The following SERTM1 variants were observed in gnomAD, a reference collection of about 807,000 sequenced individuals.
SERTM1 encodes serine-rich and transmembrane domain-containing protein 1.
SERTM1 carries 1 observed loss-of-function variant against 5.5 expected under a neutral mutation model. The ratio of observed to expected loss-of-function variants is 0.18; its 90% confidence interval spans 0.06 to 0.86. The LOEUF is 0.86. SERTM1 is among the 40% of genes least tolerant of loss of function. The pLI, the probability that SERTM1 is intolerant of heterozygous loss-of-function variation, is 0.69. For missense variants in SERTM1, 91 were observed against 122.4 expected, an observed-to-expected ratio of 0.74 and a Z score of 1.21; for synonymous variants, 52 against 55.1, an observed-to-expected ratio of 0.94 and a Z score of 0.25.
intron 1 of SERTM1, among the ~76,000 whole-genome samples, chr13:36,684,127 G>A (rs1027890623): frequency 2.6e-5 from 4 of 152,028 alleles, no homozygotes; most frequent in African/African-American, 4.8e-5. Flanking sequence ...GTGAAACCCC[G>A]TCTCTACTAA....
At chr13:36,692,066 A>G (rs2056782746) in intron 1 of SERTM1, among the ~76,000 whole-genome samples, 1 of 152,188 alleles carries the variant, frequency 6.6e-6, no homozygotes, top group Admixed American at 6.5e-5. Flanking sequence ...TTAAATTAAG[A>G]AGTACCCCGG....
chr13:36,693,197 A>G (rs974765882), intron 1 of SERTM1, among the ~76,000 whole-genome samples: 4 of 152,136 alleles, frequency 2.6e-5, no homozygotes, highest in Non-Finnish European at 5.9e-5. Flanking sequence ...AGGAGGTTGT[A>G]CTTGAACATT....
At chr13:36,678,583 A>G (rs1455472556) in intron 1 of SERTM1, among the ~76,000 whole-genome samples, 1 of 151,302 alleles carries the variant, frequency 6.6e-6, no homozygotes, top group Admixed American at 6.6e-5. Flanking sequence ...ATGTGATGGG[A>G]TGATAGGTGC....
Position 36,696,424 on chromosome 13 carries a change from T to C in SERTM1, c.*1022T>C, listed in dbSNP as rs1366986229. On this transcript the variant is annotated 3_prime_UTR_variant, in exon 2 of 2. Coordinates refer to ENST00000315190, the MANE Select transcript of SERTM1 (RefSeq NM_203451.3). Reference sequence around the variant, plus strand: ...TAAATTGCAAATATATGTGTTATTATATACTCCACGAATGTTGCGTCTCTG... The same window carrying C: ...TAAATTGCAAATATATGTGTTATTACATACTCCACGAATGTTGCGTCTCTG... The C allele has an allele frequency of 6.0e-6, 1 of 166,016 alleles. No homozygotes were observed. The highest frequency in any genetic ancestry group is 1.5e-5 in the Non-Finnish European group (1 of 68,114). 10.3% of individuals were successfully genotyped at this position (166,016 alleles called of 1,614,324 possible).
chr13:36,674,406 G>A (rs1566224602), intron 1 of SERTM1, among the ~76,000 whole-genome samples: 1 of 152,178 alleles, frequency 6.6e-6, no homozygotes, highest in South Asian at 2.1e-4. Flanking sequence ...AGCAATCGCA[G>A]CCCGGCTCTC....
intron 1 of SERTM1, among the ~76,000 whole-genome samples, chr13:36,686,490 A>G (rs185555227): frequency 2.0e-5 from 3 of 152,346 alleles, no homozygotes; most frequent in Admixed American, 2.0e-4. Flanking sequence ...AAATACCTAT[A>G]TATCTGTCAA....
intron 1 of SERTM1, among the ~76,000 whole-genome samples, chr13:36,678,249 T>G (rs890550481): frequency 1.3e-5 from 2 of 152,278 alleles, no homozygotes; most frequent in Non-Finnish European, 1.5e-5. Flanking sequence ...CATGCCCCCA[T>G]AATACTACCC....
At chr13:36,691,413 A>G (rs773946350) in intron 1 of SERTM1, among the ~76,000 whole-genome samples, 1 of 152,144 alleles carries the variant, frequency 6.6e-6, no homozygotes, top group African/African-American at 2.4e-5. Context: ...CACTGGGCAC[A>G]TGGTGAGAGA....
In SERTM1 at chr13:36,695,274, C is replaced by T; in HGVS notation, c.196C>T (p.Leu66Phe). The T allele has an allele frequency of 6.2e-7, 1 of 1,614,142 alleles. No individual in the cohort carries two copies. The highest frequency in any genetic ancestry group is 1.3e-5 in the African/African-American group (1 of 75,070). The change falls in exon 2 of 2, where the codon CTC becomes TTC. Residue 66 changes from leucine to phenylalanine, a missense_variant. By Grantham distance (22) the Leu-to-Phe change is conservative. Coordinates refer to ENST00000315190, the MANE Select transcript of SERTM1 (RefSeq NM_203451.3). ...LLLLIIALQR[L>F]KNIISSSSSY... ...GCTTTTAATCATTGCCCTCCAGAGGCTCAAAAATATCATCTCCTCCAGTTC... is the reference window on the plus strand; with the variant it reads ...GCTTTTAATCATTGCCCTCCAGAGGTTCAAAAATATCATCTCCTCCAGTTC...
Position 36,696,413 on chromosome 13 carries a change from AT to A in SERTM1, c.*1012del, listed in dbSNP as rs896897054. On this transcript the variant is annotated 3_prime_UTR_variant, in exon 2 of 2. Transcript: ENST00000315190. ...AACTTAGAAACTAAATTGCAAATAT[AT>A]GTGTTATTATATACTCCACGAATGT... is the stretch of plus-strand genomic sequence containing the variant. 4 of 165,662 alleles carry A rather than the reference AT, an allele frequency of 2.4e-5. No individual in the cohort carries two copies. The highest frequency in any genetic ancestry group is 2.4e-5 in the African/African-American group (1 of 41,462). 10.3% of individuals were successfully genotyped at this position (165,662 alleles called of 1,614,324 possible).
intron 1 of SERTM1, among the ~76,000 whole-genome samples, chr13:36,690,942 C>T (rs1341723826): frequency 6.6e-6 from 1 of 152,178 alleles, no homozygotes; most frequent in Admixed American, 6.5e-5. Flanking sequence ...AATATAAAGT[C>T]CGCAAGGGAA....
intron 1 of SERTM1, among the ~76,000 whole-genome samples, chr13:36,688,098 A>G (rs1041543806): frequency 5.9e-5 from 9 of 152,230 alleles, no homozygotes; most frequent in African/African-American, 2.2e-4. Flanking sequence ...GACAAAAAAT[A>G]TATATTGGAT....
At position 36,696,080 on chromosome 13, in the gene SERTM1, T is replaced by C. The variant is rs532269089; in HGVS notation, c.*678T>C. 1.2e-5 allele frequency: 2 copies of C among 166,890 alleles called. No individual in the cohort carries two copies. The highest frequency in any genetic ancestry group is 4.8e-5 in the African/African-American group (2 of 41,542). The allele number at this position is 166,890 out of a possible 1,614,324, so 10.3% of individuals were successfully genotyped here. A position where few individuals can be genotyped will look rare whatever the true frequency, so the allele number is the denominator to read the frequency against. On this transcript the variant is annotated 3_prime_UTR_variant, in exon 2 of 2. Coordinates refer to ENST00000315190, the MANE Select transcript of SERTM1 (RefSeq NM_203451.3). ...TGTGATGTATTTCTGCCTCCTGGAG[T>C]TTTATTTTGTTTTTCTGCTTATGTT...
chr13:36,697,312 A>AATATATATATAT lies in SERTM1; in HGVS notation c.*1924_*1935dup, dbSNP rs57478418. 1.3e-4 allele frequency: 19 copies of AATATATATATAT among 143,832 alleles called. 1 individual carries two copies. The highest frequency in any genetic ancestry group is 4.1e-4 in the African/African-American group (15 of 36,164). The allele number at this position is 143,832 out of a possible 1,614,324, so 8.9% of individuals were successfully genotyped here. On this transcript the variant is annotated 3_prime_UTR_variant, in exon 2 of 2. Coordinates refer to ENST00000315190, the MANE Select transcript of SERTM1 (RefSeq NM_203451.3). ...ATACGCACACACACACACACACATAAATATATATATATATATATATATATA... is the reference window on the plus strand; with the variant it reads ...ATACGCACACACACACACACACATAAATATATATATATATATATATATATATATATATATATA...
chr13:36,685,784 G>A (rs1238190550), intron 1 of SERTM1, among the ~76,000 whole-genome samples: 1 of 152,174 alleles, frequency 6.6e-6, no homozygotes, highest in Non-Finnish European at 1.5e-5. Context: ...TGTGGAACTT[G>A]CTACTTGCAG....
chr13:36,675,593 G>T (rs1444540222), intron 1 of SERTM1, among the ~76,000 whole-genome samples: 1 of 152,142 alleles, frequency 6.6e-6, no homozygotes, highest in Non-Finnish European at 1.5e-5. Flanking sequence ...TGCCCATAGA[G>T]GTTCTTAAAT....
At chr13:36,693,959 G>A (rs896950696) in intron 1 of SERTM1, among the ~76,000 whole-genome samples, 1 of 151,936 alleles carries the variant, frequency 6.6e-6, no homozygotes, top group African/African-American at 2.4e-5. Context: ...AGAAGAAATG[G>A]TCCCCCCTCC....
intron 1 of SERTM1, among the ~76,000 whole-genome samples, chr13:36,680,646 CT>C (rs558904599): frequency 9.7e-4 from 148 of 152,292 alleles, no homozygotes; most frequent in Non-Finnish European, 1.7e-3. Context: ...TTGCTAAAGA[CT>C]TGTAGCTCTC....
chr13:36,678,696 A>ATATATATAT (rs1566226327), intron 1 of SERTM1, among the ~76,000 whole-genome samples: 1 of 118,556 alleles, frequency 8.4e-6, no homozygotes, highest in African/African-American at 3.1e-5. Flanking sequence ...TATATATATA[A>ATATATATAT]AATATAGTCC....
Sources: gnomAD v4.1 joint callset for allele counts (sites outside exome capture counted in the v4.1 genomes callset) on GRCh38, gnomAD v4.1.1 for gene constraint, MANE v1.5 for transcripts, NCBI Gene and HGNC (gene_info 2026-07-23, HGNC 2026-07-21) for gene names.